The following ADCY10 variants were observed in gnomAD, a reference collection of about 807,000 sequenced individuals.
ADCY10 encodes adenylate cyclase 10, also known as adenylate cyclase type 10.
In ADCY10, 156 loss-of-function variants were observed where a neutral mutation model predicts 183.3. That is an observed-to-expected ratio of 0.85 (90% CI 0.75 to 0.97). ADCY10 has a LOEUF of 0.97. Ranked by LOEUF, ADCY10 falls within the 50% of genes least tolerant of loss-of-function variation. The pLI, the probability that ADCY10 is intolerant of heterozygous loss-of-function variation, is 0.00. For missense variants in ADCY10, 1,745 were observed against 1,934.3 expected (o/e 0.90, Z 1.84); for synonymous variants, 645 against 670.0 (o/e 0.96, Z 0.58).
At chr1:167,856,742 G>A (rs771080978) in intron 16 of ADCY10, among the ~76,000 whole-genome samples, 2 of 152,170 alleles carry the variant, frequency 1.3e-5, no homozygotes, top group East Asian at 1.9e-4. Context: ...GCTAACTGAA[G>A]TGCCCATTAC....
At chr1:167,875,431 T>TC (rs766062397) in intron 12 of ADCY10, among the ~76,000 whole-genome samples, 340 of 7,826 alleles carry the variant, frequency 0.043, 2 homozygotes, top group African/African-American at 0.41. Context: ...CAATAAATGC[T>TC]GTTGAGTCTG....
intron 26 of ADCY10, among the ~76,000 whole-genome samples, chr1:167,827,020 TA>T (rs1185195985): frequency 6.6e-6 from 1 of 152,174 alleles, no homozygotes. Flanking sequence ...AGAGCCAGCC[TA>T]AATTCACCAA....
At chr1:167,858,662 A>G (rs914867651) in intron 16 of ADCY10, among the ~76,000 whole-genome samples, 8 of 152,200 alleles carry the variant, frequency 5.3e-5, no homozygotes, top group Non-Finnish European at 7.3e-5. Flanking sequence ...AGAATTAGTC[A>G]TGTCTAGTGA....
intron 6 of ADCY10, 150 bp from the exon 7 acceptor site, chr1:167,896,841 A>G: frequency 1.6e-6 from 1 of 629,208 alleles, no homozygotes; most frequent in Non-Finnish European, 2.8e-6. Flanking sequence ...TAAAATTGAA[A>G]TTTTAAATTG....
intron 7 of ADCY10, 81 bp from the exon 8 acceptor site, chr1:167,894,022 T>A: frequency 1.0e-6 from 1 of 962,328 alleles, no homozygotes; most frequent in Non-Finnish European, 1.7e-6. Context: ...TCCCAGTCCC[T>A]ATTCTCTTGG....
At chr1:167,844,259 C>T (rs2101959413) in intron 21 of ADCY10, among the ~76,000 whole-genome samples, 1 of 152,322 alleles carries the variant, frequency 6.6e-6, no homozygotes, top group African/African-American at 2.4e-5. Context: ...CCTCTTTGTA[C>T]TCAAGCTCTC....
intron 21 of ADCY10, among the ~76,000 whole-genome samples, chr1:167,844,697 G>A (rs1664877276): frequency 1.3e-5 from 2 of 152,166 alleles, no homozygotes; most frequent in Non-Finnish European, 2.9e-5. Context: ...CACATGAAAT[G>A]GAGAACGAAT....
At chr1:167,883,714 T>C in intron 8 of ADCY10, 86 bp from the exon 9 acceptor site, 1 of 1,255,462 alleles carries the variant, frequency 8.0e-7, no homozygotes, top group Non-Finnish European at 1.2e-6. Context: ...CCCGAAATCA[T>C]CTAGGGAATG....
chr1:167,812,598 C>A (rs921832776), intron 31 of ADCY10, among the ~76,000 whole-genome samples: 3 of 152,052 alleles, frequency 2.0e-5, no homozygotes, highest in African/African-American at 7.2e-5. Flanking sequence ...CCAATAATAA[C>A]AACAAAAAGG....
chr1:167,839,173 G>C (rs1664441114), intron 21 of ADCY10, among the ~76,000 whole-genome samples: 1 of 152,228 alleles, frequency 6.6e-6, no homozygotes, highest in Non-Finnish European at 1.5e-5. Context: ...GGCAGGAACT[G>C]CCGGTTTCCC....
intron 9 of ADCY10, among the ~76,000 whole-genome samples, chr1:167,882,695 TGTGTAGTGAGAG>T (rs1667952942): frequency 6.6e-6 from 1 of 151,748 alleles, no homozygotes; most frequent in African/African-American, 2.4e-5. Flanking sequence ...TGGAGACTTA[TGTGTAGTGAGAG>T]GTAGCCCAGC....
intron 18 of ADCY10, among the ~76,000 whole-genome samples, chr1:167,851,300 C>T (rs950416140): frequency 1.3e-5 from 2 of 152,104 alleles, no homozygotes; most frequent in Non-Finnish European, 2.9e-5. Context: ...AATCCTCCCA[C>T]CTCAGCCTCC....
chr1:167,854,397 G>GT lies in ADCY10; in HGVS notation c.2263dup (p.Thr755AsnfsTer4), dbSNP rs778987995. ...CCTATTTGTCTTTTCCTCAGACTCC[G>GT]TTTGTTGGAAAACGAGTACCTCATG... On this transcript the variant is annotated frameshift_variant, in exon 18 of 33. Coordinates refer to ENST00000367851, the MANE Select transcript of ADCY10 (RefSeq NM_018417.6). LOFTEE classifies it high-confidence loss of function. 1 of 1,614,134 alleles carries GT rather than the reference G, an allele frequency of 6.2e-7. No individual in the cohort carries two copies. The highest frequency in any genetic ancestry group is 8.5e-7 in the Non-Finnish European group (1 of 1,180,000).
intron 29 of ADCY10, 89 bp downstream of exon 29, chr1:167,822,919 T>A (rs1435931807): frequency 8.7e-7 from 1 of 1,146,154 alleles, no homozygotes; most frequent in African/African-American, 1.5e-5. Flanking sequence ...AACCTAGTGG[T>A]CCCAAAGCCC....
At position 167,833,962 on chromosome 1, in the gene ADCY10, T is replaced by C; in HGVS notation, c.3417+8A>G. ...ACAGATAAATTCAAGTCTTTAATGG[T>C]TTCTTACCTCACCTTTGAGGCTGTA... On this transcript the variant is annotated splice_region_variant and intron_variant, in intron 24 of 32. Coordinates refer to ENST00000367851, the MANE Select transcript of ADCY10 (RefSeq NM_018417.6). 2 of 1,609,204 alleles carry C rather than the reference T, an allele frequency of 1.2e-6. No homozygotes were observed. The highest frequency in any genetic ancestry group is 1.7e-6 in the Non-Finnish European group (2 of 1,175,668).
At chr1:167,812,729 A>G (rs1207358398) in intron 31 of ADCY10, among the ~76,000 whole-genome samples, 1 of 152,210 alleles carries the variant, frequency 6.6e-6, no homozygotes, top group Non-Finnish European at 1.5e-5. Context: ...AACTCTAAAG[A>G]TAATCAAAGA....
rs1422360365 is a variant in ADCY10 at position 167,822,159 on chromosome 1, G to A, written c.4169-18C>T. 1 of 1,449,774 alleles carries A rather than the reference G, an allele frequency of 6.9e-7. No homozygotes were observed. Among genetic ancestry groups the A allele is most frequent in the South Asian group, 1.1e-5 (1 of 87,696 alleles). The allele number at this position is 1,449,774 out of a possible 1,614,324, so 89.8% of individuals were successfully genotyped here. A position where few individuals can be genotyped will look rare whatever the true frequency, so the allele number is the denominator to read the frequency against. On this transcript the variant is annotated intron_variant, in intron 29 of 32. Transcript: ENST00000367851. The stretch of plus-strand genomic sequence containing the variant: ...AACAAAACCTAAGAGAGAGAGGAAT[G>A]GGTGAGAGTTATTAGTAGGTGTGGG...
chr1:167,831,303 C>A (rs1484000237), intron 25 of ADCY10, among the ~76,000 whole-genome samples: 1 of 152,120 alleles, frequency 6.6e-6, no homozygotes, highest in East Asian at 1.9e-4. Flanking sequence ...AATTCCCCTG[C>A]CTCAACCTTC....
intron 23 of ADCY10, chr1:167,834,524 G>C (rs1664046461): frequency 4.0e-6 from 1 of 247,134 alleles, no homozygotes; most frequent in Admixed American, 5.1e-5. Context: ...CACTTCCTTT[G>C]CCAGGGTCAT....
Sources: allele counts gnomAD v4.1 joint callset (sites outside exome capture counted in the v4.1 genomes callset), GRCh38; gene constraint gnomAD v4.1.1; transcripts MANE v1.5; gene names NCBI Gene and HGNC (gene_info 2026-07-23, HGNC 2026-07-21).